Variants in LNPK observed in about 807,000 individuals in gnomAD.
LNPK encodes the protein endoplasmic reticulum junction formation protein lunapark.
In LNPK, 29 loss-of-function variants were observed where a neutral mutation model predicts 55.2. That is an observed-to-expected ratio of 0.53 (90% CI 0.39 to 0.72). LNPK has a LOEUF of 0.72. Ranked by LOEUF, LNPK falls within the 30% of genes least tolerant of loss-of-function variation. LNPK has a pLI of 0.00. For synonymous variants in LNPK, 162 were observed against 168.2 expected (o/e 0.96, Z 0.29); for missense variants, 467 against 494.8 (o/e 0.94, Z 0.53).
At position 175,928,844 on chromosome 2, in the gene LNPK, T is replaced by C. The variant is rs1481972296; in HGVS notation, c.*1123A>G. On this transcript the variant is annotated 3_prime_UTR_variant, in exon 13 of 13. Transcript: ENST00000272748. ...TTAACTACCAGCAACCCACTACCTA[T>C]TCTCACAAAATTTGTTTCTCAAAGT... 1.3e-5 allele frequency: 2 copies of C among 152,610 alleles called. No individual in the cohort carries two copies. Among genetic ancestry groups the C allele is most frequent in the Non-Finnish European group, 2.9e-5 (2 of 68,304 alleles). The allele number at this position is 152,610 out of a possible 1,614,324, so 9.5% of individuals were successfully genotyped here. A position where few individuals can be genotyped will look rare whatever the true frequency, so the allele number is the denominator to read the frequency against.
intron 1 of LNPK, among the ~76,000 whole-genome samples, chr2:176,000,536 T>C (rs757834347): frequency 1.3e-5 from 2 of 152,208 alleles, no homozygotes; most frequent in East Asian, 1.9e-4. Context: ...TATTAGTTTG[T>C]ATTTTTACAA....
chr2:175,986,417 C>T (rs1485322956), intron 4 of LNPK, among the ~76,000 whole-genome samples: 2 of 151,808 alleles, frequency 1.3e-5, no homozygotes, highest in Non-Finnish European at 2.9e-5. Context: ...TAACTCCCTC[C>T]AAAAAAACAT....
At chr2:175,963,816 T>C (rs1686195228) in intron 8 of LNPK, among the ~76,000 whole-genome samples, 1 of 152,044 alleles carries the variant, frequency 6.6e-6, no homozygotes, top group African/African-American at 2.4e-5. Context: ...CCACTTAATA[T>C]AATGACGGTT....
chr2:175,930,642 T>C (rs374694889), intron 12 of LNPK, among the ~76,000 whole-genome samples: 21 of 140,944 alleles, frequency 1.5e-4, no homozygotes, highest in African/African-American at 5.1e-4. Context: ...GTGAGTAATA[T>C]GTAAATGTGT....
chr2:175,944,096 G>A (rs1371224021), intron 9 of LNPK, among the ~76,000 whole-genome samples: 2 of 151,950 alleles, frequency 1.3e-5, no homozygotes, highest in Non-Finnish European at 2.9e-5. Flanking sequence ...GGATACAAGA[G>A]CAATATACAA....
chr2:175,948,727 T>C (rs144485124), intron 8 of LNPK, among the ~76,000 whole-genome samples: 84 of 152,288 alleles, frequency 5.5e-4, no homozygotes, highest in Middle Eastern at 3.4e-3. Context: ...AAAATACATA[T>C]GTCCAGAAGC....
Position 175,959,636 on chromosome 2 carries a change from G to A in LNPK, c.493+4736C>T, listed in dbSNP as rs145328139. ...CAAATTGTAAAGACTATTGATGTTT[G>A]GAAGAAACTGCGTCAACTAACAAGC... On this transcript the variant is annotated intron_variant, in intron 8 of 12. Transcript: ENST00000272748. 7.0e-3 allele frequency among the ~76,000 whole-genome samples: 1,058 copies of A among 152,226 alleles called. 7 individuals carry two copies. The highest frequency in any genetic ancestry group is 0.024 in the African/African-American group (986 of 41,512).
chr2:175,923,977 T>A lies in LNPK; in HGVS notation c.*5990A>T, dbSNP rs1574783289. ...TATTTATCTGTCTACATTCAGAGCC[T>A]GAATATATTTACTTATTGACCAGTA... On this transcript the variant is annotated 3_prime_UTR_variant, in exon 13 of 13. Transcript: ENST00000272748. The A allele has an allele frequency of 6.6e-6, 1 of 152,328 alleles. No homozygotes were observed. Among genetic ancestry groups the A allele is most frequent in the East Asian group, 1.9e-4 (1 of 5,190 alleles). The allele number at this position is 152,328 out of a possible 1,614,324, so 9.4% of individuals were successfully genotyped here.
At chr2:175,994,383 T>G (rs944099145) in intron 2 of LNPK, 1 of 925,036 alleles carries the variant, frequency 1.1e-6, no homozygotes, top group Non-Finnish European at 1.3e-6. Flanking sequence ...ACAAGGCTGT[T>G]CCAGCAATAC....
At position 175,926,824 on chromosome 2, in the gene LNPK, ACT is replaced by A. The variant is rs1684028776; in HGVS notation, c.*3141_*3142del. On this transcript the variant is annotated 3_prime_UTR_variant, in exon 13 of 13. Transcript: ENST00000272748. ...TTTACAGCTTCTGGCTTAGAGAGTA[ACT>A]CTATTTGATTAGATGAGAAACATAA... The A allele has an allele frequency of 6.6e-6, 1 of 152,168 alleles. No homozygotes were observed. Among genetic ancestry groups the A allele is most frequent in the South Asian group, 2.1e-4 (1 of 4,830 alleles). 9.4% of individuals were successfully genotyped at this position (152,168 alleles called of 1,614,324 possible).
intron 5 of LNPK, among the ~76,000 whole-genome samples, chr2:175,971,269 A>C (rs1686650766): frequency 6.6e-6 from 1 of 152,150 alleles, no homozygotes; most frequent in South Asian, 2.1e-4. Context: ...TAAAAAACCT[A>C]GAAAATCTAC....
intron 8 of LNPK, among the ~76,000 whole-genome samples, chr2:175,959,055 T>C (rs1685859629): frequency 6.6e-6 from 1 of 151,980 alleles, no homozygotes. Flanking sequence ...ATCCAAGAAA[T>C]ATGGGACTAT....
chr2:175,939,291 A>G (rs1286033032), intron 10 of LNPK, among the ~76,000 whole-genome samples: 1 of 152,202 alleles, frequency 6.6e-6, no homozygotes, highest in Non-Finnish European at 1.5e-5. Context: ...TTTTAAGTTT[A>G]AAAGTTTCAA....
intron 12 of LNPK, among the ~76,000 whole-genome samples, chr2:175,930,423 GA>G (rs1296225602): frequency 1.5e-4 from 23 of 150,774 alleles, no homozygotes; most frequent in Non-Finnish European, 4.4e-5. Flanking sequence ...TAATTCAGAG[GA>G]AAAAAACCCA....
Position 175,926,270 on chromosome 2 carries a change from G to A in LNPK, c.*3697C>T, listed in dbSNP as rs1445693368. ...TATGCTAACTGTTGCATTGGAAGGTGGAGCCTAATGGAGATGTTTAGGTCA... is the reference window on the plus strand; with the variant it reads ...TATGCTAACTGTTGCATTGGAAGGTAGAGCCTAATGGAGATGTTTAGGTCA... On this transcript the variant is annotated 3_prime_UTR_variant, in exon 13 of 13. Transcript: ENST00000272748. The A allele has an allele frequency of 6.6e-6, 1 of 152,172 alleles. No homozygotes were observed. The highest frequency in any genetic ancestry group is 2.4e-5 in the African/African-American group (1 of 41,438). 9.4% of individuals were successfully genotyped at this position (152,172 alleles called of 1,614,324 possible). A position where few individuals can be genotyped will look rare whatever the true frequency, so the allele number is the denominator to read the frequency against.
At chr2:175,952,150 CAAAACTACAAAGGCA>C (rs1195048623) in intron 8 of LNPK, among the ~76,000 whole-genome samples, 1 of 151,810 alleles carries the variant, frequency 6.6e-6, no homozygotes, top group Non-Finnish European at 1.5e-5. Flanking sequence ...TGAGTGTTGG[CAAAACTACAAAGGCA>C]ATATTCATAT....
At chr2:175,998,638 T>C (rs1383235117) in intron 1 of LNPK, among the ~76,000 whole-genome samples, 1 of 152,186 alleles carries the variant, frequency 6.6e-6, no homozygotes, top group Non-Finnish European at 1.5e-5. Context: ...CATTATCAAA[T>C]TGTTGGTAAA....
intron 5 of LNPK, among the ~76,000 whole-genome samples, chr2:175,974,238 A>G (rs1686786119): frequency 6.6e-6 from 1 of 152,246 alleles, no homozygotes; most frequent in South Asian, 2.1e-4. Context: ...ATTATGTACT[A>G]AAAGTGCAAC....
chr2:175,924,692 AAAC>A lies in LNPK; in HGVS notation c.*5272_*5274del, dbSNP rs1370128219. The A allele has an allele frequency of 1.3e-5, 1 of 79,036 alleles. No individual in the cohort carries two copies. Among genetic ancestry groups the A allele is most frequent in the Non-Finnish European group, 2.9e-5 (1 of 34,568 alleles). The allele number at this position is 79,036 out of a possible 1,614,324, so 4.9% of individuals were successfully genotyped here. ...TAATTTACTGAAAAAAAAACAAAAC[AAAC>A]AAAAAAAAAAAACAAAGAAGAAGTT... On this transcript the variant is annotated 3_prime_UTR_variant, in exon 13 of 13. Coordinates refer to ENST00000272748, the MANE Select transcript of LNPK (RefSeq NM_030650.3).
Sources: gnomAD v4.1 joint callset for allele counts (sites outside exome capture counted in the v4.1 genomes callset) on GRCh38, gnomAD v4.1.1 for gene constraint, MANE v1.5 for transcripts, NCBI Gene and HGNC (gene_info 2026-07-23, HGNC 2026-07-21) for gene names.